The following RAB5A variants were observed in gnomAD, a reference collection of about 807,000 sequenced individuals.
The protein encoded by RAB5A is ras-related protein Rab-5A.
RAB5A carries 8 observed loss-of-function variants against 25.7 expected under a neutral mutation model. The observed-to-expected ratio is 0.31, with a 90% CI of 0.18 to 0.56. The LOEUF is 0.56. Ranked by LOEUF, RAB5A falls within the 20% of genes least tolerant of loss-of-function variation. The probability of loss-of-function intolerance (pLI) is 0.91; values close to 1 mark genes in which losing one functional copy is unlikely to be tolerated. For synonymous variants in RAB5A, 98 were observed against 89.8 expected, an observed-to-expected ratio of 1.09 and a Z score of -0.52; for missense variants, 192 against 259.7, an observed-to-expected ratio of 0.74 and a Z score of 1.79.
intron 5 of RAB5A, among the ~76,000 whole-genome samples, chr3:19,982,279 A>C (rs1055711858): frequency 2.3e-4 from 35 of 152,158 alleles, no homozygotes; most frequent in Admixed American, 2.2e-3. Context: ...ATTCAAACTA[A>C]GATCACAACG....
At chr3:19,956,712 G>A (rs1696507704) in intron 2 of RAB5A, among the ~76,000 whole-genome samples, 1 of 152,184 alleles carries the variant, frequency 6.6e-6, no homozygotes, top group South Asian at 2.1e-4. Flanking sequence ...AAGAGAGACT[G>A]TATCCAGATT....
chr3:19,954,207 G>A (rs745540787), intron 2 of RAB5A, among the ~76,000 whole-genome samples: 1 of 152,052 alleles, frequency 6.6e-6, no homozygotes, highest in Non-Finnish European at 1.5e-5. Flanking sequence ...TAGAGACAGG[G>A]TTTTGCCATC....
chr3:19,975,136 G>A (rs932558909), intron 2 of RAB5A, among the ~76,000 whole-genome samples: 1 of 151,108 alleles, frequency 6.6e-6, no homozygotes, highest in African/African-American at 2.4e-5. Context: ...TGAGGCAGGA[G>A]AATTGCTTGA....
intron 2 of RAB5A, among the ~76,000 whole-genome samples, chr3:19,963,607 T>TC (rs1696622378): frequency 6.6e-6 from 1 of 152,116 alleles, no homozygotes; most frequent in South Asian, 2.1e-4. Context: ...TGTTTAGTCT[T>TC]CTTTTCTATT....
intron 5 of RAB5A, chr3:19,979,901 T>C (rs1169340421): frequency 6.6e-6 from 1 of 152,194 alleles, no homozygotes; most frequent in Non-Finnish European, 1.5e-5. Flanking sequence ...AAGTAAGAAA[T>C]ATTCTTAAAT....
At chr3:19,961,918 C>A (rs1696591132) in intron 2 of RAB5A, among the ~76,000 whole-genome samples, 1 of 152,208 alleles carries the variant, frequency 6.6e-6, no homozygotes, top group South Asian at 2.1e-4. Flanking sequence ...ACACAAATGA[C>A]TCCTCCAAAA....
intron 1 of RAB5A, among the ~76,000 whole-genome samples, chr3:19,948,690 A>G (rs1031542406): frequency 4.6e-5 from 7 of 152,096 alleles, no homozygotes; most frequent in Non-Finnish European, 1.0e-4. Flanking sequence ...GGGAGTAGCC[A>G]CAATTAAGTA....
chr3:19,962,840 G>A (rs151288562), intron 2 of RAB5A, among the ~76,000 whole-genome samples: 98 of 151,310 alleles, frequency 6.5e-4, no homozygotes, highest in African/African-American at 2.3e-3. Context: ...TTTTTGAATC[G>A]GGGTGTCACT....
At chr3:19,978,289 C>A in intron 4 of RAB5A, 21 bp from the exon 5 acceptor site, 1 of 1,506,656 alleles carries the variant, frequency 6.6e-7, no homozygotes, top group Non-Finnish European at 9.2e-7. Flanking sequence ...TCATATATCT[C>A]ATTTTTTGTT....
At chr3:19,981,202 T>G (rs1254788018) in intron 5 of RAB5A, among the ~76,000 whole-genome samples, 1 of 152,158 alleles carries the variant, frequency 6.6e-6, no homozygotes, top group Non-Finnish European at 1.5e-5. Flanking sequence ...ATCTCCAACT[T>G]TACAGTGGTT....
rs1696979690 is a variant in RAB5A at position 19,983,816 on chromosome 3, G to A, written c.641G>A (p.Ser214Asn). Residue 214 changes from serine to asparagine, a missense_variant, in exon 6 of 6, where the codon AGT (serine) becomes AAT (asparagine). Around this residue, in one of 3 missense-constraint regions of RAB5A, gnomAD observed 121 missense variants for 135.7 expected, o/e 0.89. Transcript: ENST00000273047. The part of the protein sequence containing the change: ...PTQPTRNQCC[S>N]N ...CAACCAACCAGGAATCAGTGTTGTA[G>A]TAACTAAACCTCTAGTTTGAACTAG... is the stretch of plus-strand genomic sequence containing the variant. The A allele has an allele frequency of 6.3e-7, 1 of 1,592,884 alleles. No homozygotes were observed. Among genetic ancestry groups the A allele is most frequent in the African/African-American group, 1.3e-5 (1 of 74,224 alleles).
chr3:19,976,218 T>A, intron 4 of RAB5A, 49 bp downstream of exon 4: 5 of 1,570,070 alleles, frequency 3.2e-6, no homozygotes, highest in Non-Finnish European at 3.4e-6. Flanking sequence ...TCCTGTATGT[T>A]TTTCTTTCAT....
At chr3:19,971,184 C>A (rs1260635248) in intron 2 of RAB5A, among the ~76,000 whole-genome samples, 1 of 109,182 alleles carries the variant, frequency 9.2e-6, no homozygotes, top group African/African-American at 4.0e-5. Flanking sequence ...GCAACAAGAG[C>A]TAAACTCCAT....
intron 2 of RAB5A, among the ~76,000 whole-genome samples, chr3:19,975,327 G>C (rs1696807862): frequency 6.6e-6 from 1 of 151,964 alleles, no homozygotes; most frequent in African/African-American, 2.4e-5. Context: ...TCACTACAAA[G>C]GCCCTATATG....
At chr3:19,958,521 T>G (rs987141721) in intron 2 of RAB5A, among the ~76,000 whole-genome samples, 3 of 152,222 alleles carry the variant, frequency 2.0e-5, no homozygotes, top group Non-Finnish European at 4.4e-5. Context: ...TTTACACATT[T>G]GTAACACGAG....
chr3:19,968,738 C>A (rs1208643928), intron 2 of RAB5A, among the ~76,000 whole-genome samples: 1 of 152,118 alleles, frequency 6.6e-6, no homozygotes, highest in East Asian at 1.9e-4. Flanking sequence ...GCTGGGATTA[C>A]AGGCATGAGC....
chr3:19,968,292 C>A (rs1696688660), intron 2 of RAB5A, among the ~76,000 whole-genome samples: 1 of 151,662 alleles, frequency 6.6e-6, no homozygotes, highest in Admixed American at 6.6e-5. Context: ...ATATGACAGT[C>A]TATATTATTG....
intron 2 of RAB5A, among the ~76,000 whole-genome samples, chr3:19,963,272 AT>A (rs1214686245): frequency 7.7e-6 from 1 of 129,874 alleles, no homozygotes; most frequent in Non-Finnish European, 1.6e-5. Context: ...TCTTTTTATT[AT>A]TTTTTAACTG....
intron 2 of RAB5A, among the ~76,000 whole-genome samples, chr3:19,974,241 G>C (rs1696790893): frequency 6.6e-6 from 1 of 150,852 alleles, no homozygotes; most frequent in Non-Finnish European, 1.5e-5. Flanking sequence ...TGCAACCTCT[G>C]CCTCATGGGT....
Sources: allele counts gnomAD v4.1 joint callset (sites outside exome capture counted in the v4.1 genomes callset), GRCh38; gene constraint gnomAD v4.1.1; regional missense constraint gnomAD v4.1.1; transcripts MANE v1.5; gene names NCBI Gene and HGNC (gene_info 2026-07-23, HGNC 2026-07-21).